The following AXDND1 variants were observed in gnomAD, a reference collection of about 807,000 sequenced individuals.
The protein encoded by AXDND1 is axonemal dynein light chain domain-containing protein 1.
In AXDND1, 110 loss-of-function variants were observed where a neutral mutation model predicts 137.5. That is an observed-to-expected ratio of 0.80 (90% CI 0.69 to 0.94). The LOEUF is 0.94. AXDND1 is among the 40% of genes least tolerant of loss of function. The probability of loss-of-function intolerance (pLI) is 0.00; values close to 1 mark genes in which losing one functional copy is unlikely to be tolerated. For missense variants in AXDND1, 1,191 were observed against 1,169.8 expected (o/e 1.02, Z -0.26); for synonymous variants, 414 against 399.7 (o/e 1.04, Z -0.43).
At chr1:179,457,723 C>T (rs1427789437) in intron 16 of AXDND1, among the ~76,000 whole-genome samples, 1 of 152,138 alleles carries the variant, frequency 6.6e-6, no homozygotes, top group Non-Finnish European at 1.5e-5. Flanking sequence ...CCCTGTAATA[C>T]AATGTACAAC....
At chr1:179,484,044 G>T (rs1166700034) in intron 18 of AXDND1, among the ~76,000 whole-genome samples, 18 of 152,152 alleles carry the variant, frequency 1.2e-4, no homozygotes, top group Admixed American at 1.2e-3. Context: ...GGCTAAAGGA[G>T]GAGGAAGCTG....
At chr1:179,520,307 A>G (rs1056848652) in intron 21 of AXDND1, among the ~76,000 whole-genome samples, 1 of 152,174 alleles carries the variant, frequency 6.6e-6, no homozygotes, top group Non-Finnish European at 1.5e-5. Flanking sequence ...GGTTTTCTAG[A>G]TATAGGATCA....
intron 18 of AXDND1, among the ~76,000 whole-genome samples, chr1:179,488,476 G>T (rs1418900015): frequency 6.8e-6 from 1 of 147,956 alleles, no homozygotes; most frequent in East Asian, 1.9e-4. Flanking sequence ...AAATTGCCCA[G>T]GCTGGTCTTG....
At chr1:179,468,781 G>C in intron 17 of AXDND1, 140 bp downstream of exon 17, 1 of 609,530 alleles carries the variant, frequency 1.6e-6, no homozygotes, top group Non-Finnish European at 2.5e-6. Flanking sequence ...AACCATTACC[G>C]GTCAATTTTA....
chr1:179,551,854 C>A, intron 25 of AXDND1: 1 of 233,096 alleles, frequency 4.3e-6, no homozygotes. Context: ...GCTGAGCTCA[C>A]TACACAAATG....
intron 16 of AXDND1, chr1:179,449,040 C>T (rs1341476254): frequency 1.2e-5 from 5 of 402,196 alleles, no homozygotes; most frequent in South Asian, 9.2e-5. Context: ...TGTGTGCCAC[C>T]ACTGTTGACT....
At chr1:179,420,771 C>T (rs749318295) in intron 12 of AXDND1, among the ~76,000 whole-genome samples, 10 of 151,796 alleles carry the variant, frequency 6.6e-5, no homozygotes, top group Admixed American at 2.0e-4. Flanking sequence ...TACAGGTGCC[C>T]GCCACCACAC....
chr1:179,540,837 A>G lies in AXDND1; in HGVS notation c.3031+5875A>G, dbSNP rs1173668955. 2.6e-5 allele frequency among the ~76,000 whole-genome samples: 4 copies of G among 152,272 alleles called. 1 individual carries two copies. In the East Asian group the frequency reaches 7.7e-4, roughly 29 times the overall value. On this transcript the variant is annotated intron_variant, in intron 25 of 25. Coordinates refer to ENST00000367618, the MANE Select transcript of AXDND1 (RefSeq NM_144696.6). Reference sequence around the variant, plus strand: ...TCCCAGGGAGATGAGGCTTTTTTCTATAAGTCCCTGACTTGGGCTGCTGCC... The same window carrying G: ...TCCCAGGGAGATGAGGCTTTTTTCTGTAAGTCCCTGACTTGGGCTGCTGCC...
chr1:179,380,381 T>G (rs534731366), intron 6 of AXDND1, among the ~76,000 whole-genome samples: 1 of 152,252 alleles, frequency 6.6e-6, no homozygotes, highest in Non-Finnish European at 1.5e-5. Context: ...TTGAATTTTT[T>G]AAAAAATGGA....
At chr1:179,541,093 G>T (rs543889561) in intron 25 of AXDND1, among the ~76,000 whole-genome samples, 8 of 152,336 alleles carry the variant, frequency 5.3e-5, no homozygotes, top group Admixed American at 4.6e-4. Flanking sequence ...CAAGCCAGTG[G>T]ATCTTAGCTT....
At chr1:179,506,651 G>A (rs1668565098) in intron 20 of AXDND1, among the ~76,000 whole-genome samples, 1 of 152,102 alleles carries the variant, frequency 6.6e-6, no homozygotes. Flanking sequence ...GATCATTTGA[G>A]CCTAGGAGGC....
At chr1:179,456,569 G>C (rs1661437249) in intron 16 of AXDND1, 2 of 778,278 alleles carry the variant, frequency 2.6e-6, no homozygotes, top group African/African-American at 1.7e-5. Context: ...AGTAACCAGG[G>C]CCACCTCCTC....
intron 25 of AXDND1, among the ~76,000 whole-genome samples, chr1:179,537,141 A>C (rs916166637): frequency 4.6e-4 from 70 of 152,342 alleles, no homozygotes; most frequent in African/African-American, 1.6e-3. Flanking sequence ...TAAATATACA[A>C]TCATGTCATC....
chr1:179,375,502 A>G (rs1379555885), intron 4 of AXDND1, among the ~76,000 whole-genome samples: 1 of 92,000 alleles, frequency 1.1e-5, no homozygotes, highest in Non-Finnish European at 2.6e-5. Context: ...TGTATAACAT[A>G]TAATGTATAA....
rs867791471 is a variant in AXDND1 at position 179,491,451 on chromosome 1, G to A, written c.2092-87G>A. Reference sequence around the variant, plus strand: ...AATGTTGAAAGTTGGACACAGGCACGATCATTTCTATTTTAAAATTTGGTG... The same window carrying A: ...AATGTTGAAAGTTGGACACAGGCACAATCATTTCTATTTTAAAATTTGGTG... On this transcript the variant is annotated intron_variant, in intron 18 of 25. Coordinates refer to ENST00000367618, the MANE Select transcript of AXDND1 (RefSeq NM_144696.6). 3.3e-6 allele frequency: 3 copies of A among 906,320 alleles called. 1 individual carries two copies. Among genetic ancestry groups the A allele is most frequent in the Middle Eastern group, 6.7e-4 (2 of 3,002 alleles). 56.1% of individuals were successfully genotyped at this position (906,320 alleles called of 1,614,324 possible).
At chr1:179,466,487 T>C (rs997835974) in intron 16 of AXDND1, among the ~76,000 whole-genome samples, 1 of 151,974 alleles carries the variant, frequency 6.6e-6, no homozygotes, top group African/African-American at 2.4e-5. Flanking sequence ...TTAGTTTAAC[T>C]TTCTGGTAAA....
intron 16 of AXDND1, among the ~76,000 whole-genome samples, chr1:179,466,068 C>A (rs568910347): frequency 5.7e-4 from 87 of 152,266 alleles, no homozygotes; most frequent in African/African-American, 2.0e-3. Flanking sequence ...CCTTGCACTT[C>A]CCGGGTGAGG....
intron 18 of AXDND1, among the ~76,000 whole-genome samples, chr1:179,485,160 TCA>T (rs1344451613): frequency 6.6e-6 from 1 of 152,148 alleles, no homozygotes; most frequent in African/African-American, 2.4e-5. Context: ...ATCCCTGCCC[TCA>T]TTAGTGCCCC....
chr1:179,440,621 G>C lies in AXDND1; in HGVS notation c.1564-4349G>C, dbSNP rs138689556. ...GAAGTATTTTGGTGCAGCAGCGTGT[G>C]AGACACTTGAGCTTGCTGAAACACA... On this transcript the variant is annotated intron_variant, in intron 15 of 25. Coordinates refer to ENST00000367618, the MANE Select transcript of AXDND1 (RefSeq NM_144696.6). Among the ~76,000 whole-genome samples, 10 of 152,328 alleles carry C rather than the reference G, an allele frequency of 6.6e-5. No individual in the cohort carries two copies. The East Asian group carries it at 1.9e-3, about 29-fold the overall frequency.
Sources: allele counts gnomAD v4.1 joint callset (sites outside exome capture counted in the v4.1 genomes callset), GRCh38; gene constraint gnomAD v4.1.1; transcripts MANE v1.5; gene names NCBI Gene and HGNC (gene_info 2026-07-23, HGNC 2026-07-21).